CALCR: variants seen among roughly 807,000 people sequenced by gnomAD.
The protein encoded by CALCR is calcitonin receptor.
A neutral mutation model predicts 59.5 loss-of-function variants in CALCR; 47 were observed. The ratio of observed to expected loss-of-function variants is 0.79; its 90% CI spans 0.63 to 1.01. CALCR has a LOEUF of 1.01. Among genes scored for constraint, CALCR ranks in the 50% least tolerant of loss-of-function variants. CALCR has a pLI of 0.00. For missense variants in CALCR, 566 were observed against 597.1 expected (o/e 0.95, Z 0.54); for synonymous variants, 213 against 211.3 (o/e 1.01, Z -0.07).
chr7:93,527,214 A>G (rs944810773), intron 2 of CALCR, among the ~76,000 whole-genome samples: 4 of 151,826 alleles, frequency 2.6e-5, no homozygotes, highest in Admixed American at 2.6e-4. Flanking sequence ...AGGGAATTGC[A>G]TATATATGTA....
At chr7:93,546,981 G>A (rs571850542) in intron 2 of CALCR, among the ~76,000 whole-genome samples, 4 of 152,194 alleles carry the variant, frequency 2.6e-5, no homozygotes, top group African/African-American at 4.8e-5. Flanking sequence ...TCCCACAGTC[G>A]GGTAAAGGAA....
chr7:93,548,953 T>C (rs1329820972), intron 2 of CALCR, among the ~76,000 whole-genome samples: 5 of 151,890 alleles, frequency 3.3e-5, no homozygotes, highest in South Asian at 2.1e-4. Flanking sequence ...TACCATTTTT[T>C]CCCCCTGAGA....
intron 2 of CALCR, among the ~76,000 whole-genome samples, chr7:93,567,811 T>C (rs541048917): frequency 5.9e-5 from 9 of 152,198 alleles, no homozygotes; most frequent in Admixed American, 1.3e-4. Flanking sequence ...GTCCTTGTGA[T>C]AGTTTGCTGA....
chr7:93,523,854 G>A (rs1338553241), intron 2 of CALCR, among the ~76,000 whole-genome samples: 1 of 151,828 alleles, frequency 6.6e-6, no homozygotes, highest in Admixed American at 6.6e-5. Context: ...TTGATAATGA[G>A]GTAAGTTGCC....
intron 3 of CALCR, 60 bp downstream of exon 3, chr7:93,486,871 C>T (rs574511317): frequency 1.9e-6 from 2 of 1,045,418 alleles, no homozygotes; most frequent in South Asian, 2.7e-5. Flanking sequence ...ACACTCAAAA[C>T]ATTCCTCCTT....
intron 2 of CALCR, among the ~76,000 whole-genome samples, chr7:93,530,572 C>T (rs1470672320): frequency 6.6e-6 from 1 of 152,048 alleles, no homozygotes; most frequent in Non-Finnish European, 1.5e-5. Flanking sequence ...TTGACATGCT[C>T]TTCTATTAGC....
intron 2 of CALCR, among the ~76,000 whole-genome samples, chr7:93,563,280 A>G (rs1007035799): frequency 1.3e-5 from 2 of 152,134 alleles, no homozygotes; most frequent in Non-Finnish European, 2.9e-5. Context: ...TTAAAATTCA[A>G]TGTATTTTTT....
intron 2 of CALCR, among the ~76,000 whole-genome samples, chr7:93,507,922 CA>C (rs1371470441): frequency 1.5e-5 from 2 of 135,658 alleles, no homozygotes; most frequent in Non-Finnish European, 3.2e-5. Context: ...GACTCCATCT[CA>C]AAAAAAAAGA....
intron 11 of CALCR, 131 bp from the exon 12 acceptor site, chr7:93,436,301 G>A: frequency 7.1e-6 from 5 of 707,446 alleles, no homozygotes; most frequent in Non-Finnish European, 1.2e-5. Context: ...GTCTACCTGA[G>A]AGGTAGCACA....
At chr7:93,566,669 C>T (rs1267350461) in intron 2 of CALCR, among the ~76,000 whole-genome samples, 1 of 152,122 alleles carries the variant, frequency 6.6e-6, no homozygotes, top group Non-Finnish European at 1.5e-5. Flanking sequence ...AAGTTTTCTG[C>T]CCTATTTCCT....
rs148302065 is a variant in CALCR at position 93,458,805 on chromosome 7, C to T, written c.648+2016G>A. Reference sequence around the variant, plus strand: ...AGTCCCTACTGTTACTAGATTCCAGCGTATTGTCTCCACATTTGCATTAGG... The same window carrying T: ...AGTCCCTACTGTTACTAGATTCCAGTGTATTGTCTCCACATTTGCATTAGG... On this transcript the variant is annotated intron_variant, in intron 8 of 13. Coordinates refer to ENST00000426151, the MANE Select transcript of CALCR (RefSeq NM_001742.4). Among the ~76,000 whole-genome samples the T allele has an allele frequency of 3.5e-3, 540 of 152,174 alleles. 3 individuals are homozygous for T. Among genetic ancestry groups the T allele is most frequent in the African/African-American group, 0.012 (507 of 41,538 alleles).
chr7:93,465,149 G>C (rs908684783), intron 7 of CALCR, among the ~76,000 whole-genome samples: 1 of 151,834 alleles, frequency 6.6e-6, no homozygotes, highest in African/African-American at 2.4e-5. Context: ...GCTAATGAAT[G>C]GTCTGTTATG....
chr7:93,502,967 T>G (rs1278196068), intron 2 of CALCR, among the ~76,000 whole-genome samples: 6 of 152,136 alleles, frequency 3.9e-5, no homozygotes, highest in Non-Finnish European at 8.8e-5. Flanking sequence ...CCTCCTTCAA[T>G]CTTTTCAATA....
intron 2 of CALCR, among the ~76,000 whole-genome samples, chr7:93,547,595 T>C (rs1789324613): frequency 6.6e-6 from 1 of 152,168 alleles, no homozygotes; most frequent in South Asian, 2.1e-4. Context: ...AGCAGAGATA[T>C]GGGTGATCTA....
chr7:93,527,342 T>C (rs1014000607), intron 2 of CALCR, among the ~76,000 whole-genome samples: 1 of 151,808 alleles, frequency 6.6e-6, no homozygotes, highest in African/African-American at 2.4e-5. Context: ...TTATATGTTA[T>C]TCACTGAAAA....
chr7:93,443,456 G>A, intron 9 of CALCR, 148 bp downstream of exon 9: 1 of 689,282 alleles, frequency 1.5e-6, no homozygotes, highest in Non-Finnish European at 2.4e-6. Context: ...GTCTTTTGGA[G>A]ACTGAACTCC....
chr7:93,482,027 T>C (rs1800808784), intron 3 of CALCR, among the ~76,000 whole-genome samples: 1 of 151,842 alleles, frequency 6.6e-6, no homozygotes, highest in Non-Finnish European at 1.5e-5. Flanking sequence ...GGACCAACAC[T>C]ATAAAATATA....
intron 2 of CALCR, among the ~76,000 whole-genome samples, chr7:93,527,132 G>C (rs1322051961): frequency 1.3e-5 from 2 of 151,766 alleles, no homozygotes; most frequent in East Asian, 1.9e-4. Flanking sequence ...TAGAACTTCA[G>C]ATTCACTCAA....
intron 7 of CALCR, among the ~76,000 whole-genome samples, chr7:93,468,058 A>C (rs1800477153): frequency 6.6e-6 from 1 of 151,772 alleles, no homozygotes; most frequent in South Asian, 2.1e-4. Context: ...GGTTGTGATG[A>C]AAGCATATGT....
Sources: gnomAD v4.1 joint callset for allele counts (sites outside exome capture counted in the v4.1 genomes callset) on GRCh38, gnomAD v4.1.1 for gene constraint, MANE v1.5 for transcripts, NCBI Gene and HGNC (gene_info 2026-07-23, HGNC 2026-07-21) for gene names.